TMEM39B: variants seen among roughly 807,000 people sequenced by gnomAD.
TMEM39B encodes the protein transmembrane protein 39B.
Under a neutral mutation model 52.2 loss-of-function variants are expected in TMEM39B, and 23 were observed. That is an observed-to-expected ratio of 0.44 (90% CI 0.32 to 0.62). TMEM39B has a LOEUF of 0.62. Ranked by LOEUF, TMEM39B falls within the 20% of genes least tolerant of loss-of-function variation. The pLI is 0.06. For missense variants in TMEM39B, 547 were observed against 642.0 expected (o/e 0.85, Z 1.60); for synonymous variants, 285 against 264.0 (o/e 1.08, Z -0.77).
At chr1:32,094,231 A>G (rs1476195299) in intron 6 of TMEM39B, among the ~76,000 whole-genome samples, 2 of 135,602 alleles carry the variant, frequency 1.5e-5, no homozygotes, top group Non-Finnish European at 3.0e-5. Flanking sequence ...GGTTCAAGCT[A>G]TTCTTCTGCC....
intron 6 of TMEM39B, 49 bp downstream of exon 6, chr1:32,092,060 C>A: frequency 6.5e-7 from 1 of 1,548,562 alleles, no homozygotes; most frequent in Non-Finnish European, 8.8e-7. Context: ...GGACTTTACC[C>A]TGCTGCCTGC....
intron 4 of TMEM39B, 30 bp from the exon 5 acceptor site, chr1:32,077,134 C>T (rs1449632910): frequency 1.2e-6 from 2 of 1,612,532 alleles, no homozygotes; most frequent in Admixed American, 3.3e-5. Context: ...CATCCAAGGC[C>T]CCATCCCGTC....
At chr1:32,076,978 A>G in intron 4 of TMEM39B, 132 bp downstream of exon 4, 1 of 1,275,552 alleles carries the variant, frequency 7.8e-7, no homozygotes, top group Non-Finnish European at 1.1e-6. Flanking sequence ...GTTGAAGAAC[A>G]TTAGTTACAT....
intron 6 of TMEM39B, among the ~76,000 whole-genome samples, chr1:32,094,143 T>TC (rs1193834385): frequency 2.3e-5 from 3 of 132,300 alleles, no homozygotes; most frequent in Admixed American, 8.0e-5. Context: ...TTTTTTTTTT[T>TC]TGAGGCGGAG....
In TMEM39B at chr1:32,076,411, A is replaced by G. The variant is rs1569857891; in HGVS notation, c.352-352A>G. Among the ~76,000 whole-genome samples, 5 of 152,260 alleles carry G rather than the reference A, an allele frequency of 3.3e-5. 1 individual carries two copies. The South Asian group carries it at 1.0e-3, about 32-fold the overall frequency. On this transcript the variant is annotated intron_variant, in intron 3 of 8. Transcript: ENST00000336294. ...CAGGCGTGAGCCACCGCGCCCGGCC[A>G]GGAGCTGAGAGTCTTAATCCAGTAG...
chr1:32,073,849 A>C, intron 1 of TMEM39B: 2 of 985,284 alleles, frequency 2.0e-6, no homozygotes, highest in Non-Finnish European at 2.4e-6. Flanking sequence ...ATGTGAATGG[A>C]GGCTGCTGTG....
intron 6 of TMEM39B, among the ~76,000 whole-genome samples, 189 bp downstream of exon 6, chr1:32,092,200 A>G (rs889401672): frequency 6.6e-6 from 1 of 152,174 alleles, no homozygotes; most frequent in Admixed American, 6.6e-5. Flanking sequence ...TCTGTCACCT[A>G]CACTGGAGTG....
rs762860783 is a variant in TMEM39B at position 32,091,888 on chromosome 1, C to G, written c.804C>G (p.Pro268=). 5.6e-6 allele frequency: 9 copies of G among 1,614,116 alleles called. No individual in the cohort carries two copies. The South Asian group carries it at 7.7e-5, about 14-fold the overall frequency. The change falls in exon 6 of 9, where the codon CCC becomes CCG. Residue 268 remains proline (P), a synonymous_variant. Transcript: ENST00000336294. The part of the protein sequence containing the change: ...AMPTHACCLS[P]SLIRSEVEFL... ...CCACCCATGCCTGCTGCCTGTCACC[C>G]AGCCTCATCCGCAGTGAGGTGGAGT...
intron 7 of TMEM39B, among the ~76,000 whole-genome samples, chr1:32,098,197 C>T (rs757284667): frequency 3.3e-5 from 5 of 150,654 alleles, no homozygotes; most frequent in Non-Finnish European, 3.0e-5. Flanking sequence ...GACGGGGTTT[C>T]ACCATGTTGG....
chr1:32,085,412 T>C (rs1299808027), intron 5 of TMEM39B, among the ~76,000 whole-genome samples: 3 of 152,180 alleles, frequency 2.0e-5, no homozygotes, highest in Non-Finnish European at 4.4e-5. Flanking sequence ...AAGGCCTCTA[T>C]GTTTGCTGAT....
In TMEM39B at chr1:32,094,989, G is replaced by C; in HGVS notation, c.1115+18G>C. 1 of 1,610,180 alleles carries C rather than the reference G, an allele frequency of 6.2e-7. No individual in the cohort carries two copies. Among genetic ancestry groups the C allele is most frequent in the Non-Finnish European group, 8.5e-7 (1 of 1,178,438 alleles). On this transcript the variant is annotated intron_variant, in intron 7 of 8. Coordinates refer to ENST00000336294, the MANE Select transcript of TMEM39B (RefSeq NM_018056.4). ...CAGCACCCGTGAGTCACCCTACCCT[G>C]CTCAACCCAATCCCAGCCCTTCTGG...
rs113765065 is a variant in TMEM39B at position 32,092,081 on chromosome 1, T to C, written c.927+70T>C. ...TACCCTGCTGCCTGCCCGATGTGAGTTCTCCTGCTGGCCTAACTATGCTGT... is the reference window on the plus strand; with the variant it reads ...TACCCTGCTGCCTGCCCGATGTGAGCTCTCCTGCTGGCCTAACTATGCTGT... On this transcript the variant is annotated intron_variant, in intron 6 of 8. Transcript: ENST00000336294. 5.9e-5 allele frequency: 84 copies of C among 1,432,536 alleles called. 2 individuals are homozygous for C. The African/African-American group carries it at 9.2e-4, about 16-fold the overall frequency. The allele number at this position is 1,432,536 out of a possible 1,614,324, so 88.7% of individuals were successfully genotyped here.
chr1:32,075,485 G>T, intron 2 of TMEM39B, 118 bp from the exon 3 acceptor site: 3 of 1,039,422 alleles, frequency 2.9e-6, no homozygotes, highest in Non-Finnish European at 4.1e-6. Flanking sequence ...GGATTAGGAA[G>T]ACCCCGTCCT....
At position 32,102,619 on chromosome 1, in the gene TMEM39B, G is replaced by A; in HGVS notation, c.1425G>A (p.Lys475=). The change falls in exon 9 of 9, where the codon AAG becomes AAA. Residue 475 remains lysine, a synonymous_variant. Transcript: ENST00000336294. The part of the protein sequence containing the change: ...KLLRDRLVLG[K]AYSYSASPQR... ...TCCGGGACCGCTTGGTATTGGGCAA[G>A]GCCTACTCATACTCTGCTAGCCCCC... 1 of 1,612,854 alleles carries A rather than the reference G, an allele frequency of 6.2e-7. No homozygotes were observed. Among genetic ancestry groups the A allele is most frequent in the Non-Finnish European group, 8.5e-7 (1 of 1,179,278 alleles).
At chr1:32,099,223 ACT>A (rs1178542545) in intron 7 of TMEM39B, among the ~76,000 whole-genome samples, 3 of 146,846 alleles carry the variant, frequency 2.0e-5, no homozygotes, top group Non-Finnish European at 3.0e-5. Flanking sequence ...GCAGAGTGAG[ACT>A]CTGTCTCAAA....
At chr1:32,096,678 C>G (rs1421002582) in intron 7 of TMEM39B, among the ~76,000 whole-genome samples, 1 of 152,052 alleles carries the variant, frequency 6.6e-6, no homozygotes, top group Non-Finnish European at 1.5e-5. Flanking sequence ...CGAGGCTGGT[C>G]TCAAACTCCT....
intron 7 of TMEM39B, among the ~76,000 whole-genome samples, 184 bp downstream of exon 7, chr1:32,095,155 G>A (rs1290503254): frequency 6.6e-6 from 1 of 152,198 alleles, no homozygotes; most frequent in African/African-American, 2.4e-5. Context: ...CCTATCCTTG[G>A]GTAACTTGCA....
chr1:32,084,482 G>A (rs1345216351), intron 5 of TMEM39B, among the ~76,000 whole-genome samples: 1 of 152,144 alleles, frequency 6.6e-6, no homozygotes, highest in African/African-American at 2.4e-5. Flanking sequence ...CAATGGGTAC[G>A]TTGGAGATGA....
At chr1:32,088,179 C>T (rs1042372454) in intron 5 of TMEM39B, among the ~76,000 whole-genome samples, 1 of 146,212 alleles carries the variant, frequency 6.8e-6, no homozygotes, top group East Asian at 2.0e-4. Context: ...GCACTTTGGG[C>T]GGCCGAAGTG....
Sources: gnomAD v4.1 joint callset for allele counts (sites outside exome capture counted in the v4.1 genomes callset) on GRCh38, gnomAD v4.1.1 for gene constraint, MANE v1.5 for transcripts, NCBI Gene and HGNC (gene_info 2026-07-23, HGNC 2026-07-21) for gene names.